The following BIN1 variants were observed in gnomAD, a reference collection of about 807,000 sequenced individuals.
BIN1 encodes the protein myc box-dependent-interacting protein 1.
In BIN1, 53 loss-of-function variants were observed where a neutral mutation model predicts 82.0. That is an observed-to-expected ratio of 0.65 (90% CI 0.52 to 0.81). BIN1 has a LOEUF of 0.81. BIN1 is among the 40% of genes least tolerant of loss of function. BIN1 has a pLI of 0.00. For missense variants in BIN1, 642 were observed against 784.4 expected (o/e 0.82, Z 2.17); for synonymous variants, 302 against 328.0 (o/e 0.92, Z 0.86).
At chr2:127,070,872 AC>A in intron 2 of BIN1, 56 bp from the exon 3 acceptor site, 1 of 1,520,398 alleles carries the variant, frequency 6.6e-7, no homozygotes, top group Non-Finnish European at 8.9e-7. Context: ...CCAGTCCCTG[AC>A]CCTCTCCTTC....
intron 1 of BIN1, among the ~76,000 whole-genome samples, chr2:127,077,819 G>A (rs377755242): frequency 2.3e-4 from 35 of 152,320 alleles, no homozygotes; most frequent in African/African-American, 6.5e-4. Flanking sequence ...CCATCAGGGC[G>A]GCAGAAAGGC....
In BIN1 at chr2:127,057,860, G is replaced by A. The variant is rs1201755055; in HGVS notation, c.1003-259C>T. Reference sequence around the variant, plus strand: ...GCTGTGTGGAGAGAGAAGAGATAGAGAAGTGAGGGGAGAGGAGGAAGGAGA... The same window carrying A: ...GCTGTGTGGAGAGAGAAGAGATAGAAAAGTGAGGGGAGAGGAGGAAGGAGA... On this transcript the variant is annotated intron_variant, in intron 11 of 18. Transcript: ENST00000316724. The surrounding 1 kb of genome is among the most constrained non-coding windows in gnomAD (Gnocchi z 5.0). Among the ~76,000 whole-genome samples, 1 of 146,458 alleles carries A rather than the reference G, an allele frequency of 6.8e-6. No homozygotes were observed. Among genetic ancestry groups the A allele is most frequent in the Non-Finnish European group, 1.5e-5 (1 of 67,054 alleles).
chr2:127,068,260 G>C lies in BIN1; in HGVS notation c.520-5C>G, dbSNP rs1335879333. On this transcript the variant is annotated splice_polypyrimidine_tract_variant and splice_region_variant and intron_variant, in intron 6 of 18. Coordinates refer to ENST00000316724, the MANE Select transcript of BIN1 (RefSeq NM_139343.3). This position sits in a 1 kb window ranked among gnomAD's most constrained non-coding sequence, Gnocchi z 4.9. ...TTTCTCAAGCAGCGAGACAGGCTGGGGTGGGGAGGTCAAGGCAAAGGAAGG... is the reference window on the plus strand; with the variant it reads ...TTTCTCAAGCAGCGAGACAGGCTGGCGTGGGGAGGTCAAGGCAAAGGAAGG... 12 of 1,610,318 alleles carry C rather than the reference G, an allele frequency of 7.5e-6. 1 individual carries two copies. Among genetic ancestry groups the C allele is most frequent in the African/African-American group, 6.7e-5 (5 of 74,864 alleles).
At chr2:127,052,939 A>C (rs1683155765) in intron 14 of BIN1, 1 of 264,740 alleles carries the variant, frequency 3.8e-6, no homozygotes, top group Non-Finnish European at 7.5e-6. Flanking sequence ...CCCTGCTCTC[A>C]GAAGGCACTC....
chr2:127,091,966 AT>A (rs76820004), intron 1 of BIN1, among the ~76,000 whole-genome samples: 19,077 of 152,040 alleles, frequency 0.13, 1,540 homozygotes, highest in Non-Finnish European at 0.18. Flanking sequence ...GGACAAGAAC[AT>A]GCGGAGGGAG....
chr2:127,054,136 G>GCA lies in BIN1; in HGVS notation c.1132-126_1132-125dup, dbSNP rs35339559. On this transcript the variant is annotated intron_variant, in intron 12 of 18. Coordinates refer to ENST00000316724, the MANE Select transcript of BIN1 (RefSeq NM_139343.3). ...ACACACACATACACACACCACGCAT[G>GCA]CAGAGCAAGCGCACATACACGCACA... 0.36 allele frequency: 277,681 copies of GCA among 774,430 alleles called. 52,455 individuals are homozygous for GCA. Among genetic ancestry groups the GCA allele is most frequent in the South Asian group, 0.48 (32,264 of 66,768 alleles). 48.0% of individuals were successfully genotyped at this position (774,430 alleles called of 1,614,324 possible).
At chr2:127,063,007 C>T (rs1026534137) in intron 9 of BIN1, among the ~76,000 whole-genome samples, 3 of 152,150 alleles carry the variant, frequency 2.0e-5, no homozygotes, top group Admixed American at 6.5e-5. Flanking sequence ...CCACTGGGGG[C>T]GGGGGTGCCA....
rs1212452866 is a variant in BIN1, at chr2:127,102,938, G to A, written c.84+3922C>T. 2.0e-5 allele frequency among the ~76,000 whole-genome samples: 3 copies of A among 152,226 alleles called. 1 individual carries two copies. Among genetic ancestry groups the A allele is most frequent in the Non-Finnish European group, 4.4e-5 (3 of 68,034 alleles). ...AGACAGAGAAAAAGACAAGACAGTA[G>A]CCGGCAGGGAAGAACCTCAGACATT... On this transcript the variant is annotated intron_variant, in intron 1 of 18. Coordinates refer to ENST00000316724, the MANE Select transcript of BIN1 (RefSeq NM_139343.3).
At position 127,051,181 on chromosome 2, in the gene BIN1, C is replaced by G. The variant is rs989924705; in HGVS notation, c.1434G>C (p.Gly478=). 1.9e-6 allele frequency: 3 copies of G among 1,613,436 alleles called. No individual in the cohort carries two copies. Among genetic ancestry groups the G allele is most frequent in the Non-Finnish European group, 2.5e-6 (3 of 1,179,924 alleles). ...AGGCTGCTTCACTTGCCGCCGTCTC[C>G]CCTGGCTCCTGGGCTCCAGCCGCAG... ...TQPAAGAQEP[G]ETAASEAASS... Residue 478 remains glycine, a synonymous_variant, in exon 16 of 19, where the codon GGG becomes GGC. Transcript: ENST00000316724.
At chr2:127,053,312 G>T in intron 14 of BIN1, 110 bp downstream of exon 14, 1 of 1,462,912 alleles carries the variant, frequency 6.8e-7, no homozygotes, top group East Asian at 2.4e-5. Context: ...TGCGTGTGGG[G>T]GGTGTGTGGG....
At chr2:127,077,119 C>T (rs1686711749) in intron 1 of BIN1, among the ~76,000 whole-genome samples, 1 of 152,192 alleles carries the variant, frequency 6.6e-6, no homozygotes, top group East Asian at 1.9e-4. Flanking sequence ...CACTTCTCCG[C>T]ATGACTCTAT....
At position 127,051,006 on chromosome 2, in the gene BIN1, G is replaced by A. The variant is rs115511091; in HGVS notation, c.1462-94C>T. The A allele has an allele frequency of 2.9e-3, 4,397 of 1,504,136 alleles. 84 individuals are homozygous for A. The African/African-American group carries it at 0.049, about 17-fold the overall frequency. 93.2% of individuals were successfully genotyped at this position (1,504,136 alleles called of 1,614,324 possible). A position where few individuals can be genotyped will look rare whatever the true frequency, so the allele number is the denominator to read the frequency against. ...AGAGGGGCGGGGAGGGGAGAAAGGT[G>A]TCTGCGCCTGGTGCCAGACCGGCCC... On this transcript the variant is annotated intron_variant, in intron 16 of 18. Coordinates refer to ENST00000316724, the MANE Select transcript of BIN1 (RefSeq NM_139343.3).
At chr2:127,088,700 C>T (rs1678506104) in intron 1 of BIN1, among the ~76,000 whole-genome samples, 1 of 151,240 alleles carries the variant, frequency 6.6e-6, no homozygotes, top group Non-Finnish European at 1.5e-5. Flanking sequence ...GACCGCACCA[C>T]TGCACTCCAG....
At chr2:127,063,486 A>T (rs1300955283) in intron 9 of BIN1, 85 bp downstream of exon 9, 2 of 1,384,472 alleles carry the variant, frequency 1.4e-6, no homozygotes, top group East Asian at 4.9e-5. Flanking sequence ...GGGAAGGAGG[A>T]GTTCAGGCTG....
chr2:127,091,233 C>CAGTACAG (rs1678884452), intron 1 of BIN1, among the ~76,000 whole-genome samples: 1 of 152,112 alleles, frequency 6.6e-6, no homozygotes, highest in Non-Finnish European at 1.5e-5. Context: ...AGGCACCCCA[C>CAGTACAG]GCAGCACAGT....
chr2:127,101,005 G>GGGGGGC (rs1558889005), intron 1 of BIN1, among the ~76,000 whole-genome samples: 2 of 116,426 alleles, frequency 1.7e-5, no homozygotes, highest in East Asian at 2.2e-4. Flanking sequence ...TGTGCGGGGG[G>GGGGGGC]TGGGGATAGA....
intron 1 of BIN1, among the ~76,000 whole-genome samples, chr2:127,098,467 A>T (rs1366826984): frequency 1.3e-5 from 2 of 152,140 alleles, no homozygotes; most frequent in African/African-American, 4.8e-5. Context: ...GTATGGAGTC[A>T]TGAATGCCCA....
At chr2:127,061,431 T>C (rs1305965412) in intron 10 of BIN1, among the ~76,000 whole-genome samples, 1 of 152,238 alleles carries the variant, frequency 6.6e-6, no homozygotes, top group East Asian at 1.9e-4. Context: ...TGCTGTGATA[T>C]GTGTGTGGGT....
intron 1 of BIN1, among the ~76,000 whole-genome samples, chr2:127,091,318 T>TC (rs1678895650): frequency 6.6e-6 from 1 of 152,108 alleles, no homozygotes; most frequent in South Asian, 2.1e-4. Context: ...TCTAGGGGCT[T>TC]CCCTGCCTCA....
Sources: gnomAD v4.1 joint callset for allele counts (sites outside exome capture counted in the v4.1 genomes callset) on GRCh38, gnomAD v4.1.1 for gene constraint, Gnocchi (gnomAD v3.1) non-coding constraint, MANE v1.5 for transcripts, NCBI Gene and HGNC (gene_info 2026-07-23, HGNC 2026-07-21) for gene names.